Variants in PLA2G4F observed in about 807,000 individuals in gnomAD.
PLA2G4F encodes the protein cytosolic phospholipase A2 zeta.
Under a neutral mutation model 103.1 loss-of-function variants are expected in PLA2G4F, and 105 were observed. The observed-to-expected ratio is 1.02, with a 90% CI of 0.87 to 1.20. The LOEUF is 1.20. Ranked by LOEUF, PLA2G4F falls within the 50% of genes most tolerant of loss-of-function variation. The probability of loss-of-function intolerance (pLI) is 0.00; values close to 1 mark genes in which losing one functional copy is unlikely to be tolerated. For missense variants in PLA2G4F, 1,155 were observed against 1,075.9 expected, an observed-to-expected ratio of 1.07 and a Z score of -1.03; for synonymous variants, 468 against 441.1, an observed-to-expected ratio of 1.06 and a Z score of -0.76.
intron 2 of PLA2G4F, 23 bp from the exon 3 acceptor site, chr15:42,154,481 C>A (rs762948696): frequency 4.6e-5 from 70 of 1,536,792 alleles, no homozygotes; most frequent in Non-Finnish European, 6.1e-5. Flanking sequence ...CAGGGAGGGG[C>A]CGGGGCCTCA....
chr15:42,151,776 G>T, intron 7 of PLA2G4F: 1 of 617,306 alleles, frequency 1.6e-6, no homozygotes, highest in Non-Finnish European at 2.0e-6. Flanking sequence ...GAGAGAAGCG[G>T]AGTGTCACCG....
rs2048860735 is a variant in PLA2G4F, at chr15:42,144,579, C to G, written c.1846G>C (p.Gly616Arg). 1 of 1,613,210 alleles carries G rather than the reference C, an allele frequency of 6.2e-7. No homozygotes were observed. The change falls in exon 17 of 20, where the codon GGG (glycine) becomes CGG (arginine). Residue 616 changes from glycine (G) to arginine (R), a missense_variant. Physicochemically the swap from Gly to Arg is moderately radical, Grantham distance 125 (BLOSUM62 -2). Around this residue, in one of 3 missense-constraint regions of PLA2G4F, gnomAD observed 782 missense variants for 692.9 expected, o/e 1.13. Transcript: ENST00000397272. ...TCCAGCACAGCCTGGGAGAAGGGCC[C>G]CTGTGGGGTGAGGAGCCTCGTTCGC... ...RLRTRLLTPQ[G>R]PFSQAVLDIF...
At position 42,145,866 on chromosome 15, in the gene PLA2G4F, G is replaced by T. The variant is rs1464332521; in HGVS notation, c.1572C>A (p.Pro524=). 2 of 1,614,088 alleles carry T rather than the reference G, an allele frequency of 1.2e-6. No homozygotes were observed. The highest frequency in any genetic ancestry group is 1.1e-5 in the South Asian group (1 of 91,082). Residue 524 remains proline (P), a synonymous_variant, in exon 15 of 20, where the codon CCC becomes CCA. Coordinates refer to ENST00000397272, the MANE Select transcript of PLA2G4F (RefSeq NM_213600.4). The part of the protein sequence containing the change: ...CEFTPYEVGF[P]KYGAYVPTEL... ...CGGTGGGAACATAAGCCCCGTACTT[G>T]GGGAAGCCAACCTCATAGGGCGTGA... is the stretch of plus-strand genomic sequence containing the variant.
chr15:42,153,245 G>T, intron 6 of PLA2G4F, 55 bp downstream of exon 6: 1 of 1,558,490 alleles, frequency 6.4e-7, no homozygotes, highest in South Asian at 1.2e-5. Context: ...CCCTGTCACG[G>T]GTTCCTCACT....
chr15:42,145,777 CAG>C lies in PLA2G4F; in HGVS notation c.1659_1660del (p.Ile553MetfsTer17). 1 of 1,614,120 alleles carries C rather than the reference CAG, an allele frequency of 6.2e-7. No homozygotes were observed. The highest frequency in any genetic ancestry group is 8.5e-7 in the Non-Finnish European group (1 of 1,180,038). On this transcript the variant is annotated frameshift_variant, in exon 15 of 20. Coordinates refer to ENST00000397272, the MANE Select transcript of PLA2G4F (RefSeq NM_213600.4). LOFTEE classifies it high-confidence loss of function. ...CAGCCTCGACTCACCTTGCAGGTAA[CAG>C]ATCCGGGGTTCAGGCTGGAGCTGCA... is the stretch of plus-strand genomic sequence containing the variant.
intron 6 of PLA2G4F, among the ~76,000 whole-genome samples, chr15:42,153,010 G>A (rs1682439277): frequency 6.6e-6 from 1 of 152,232 alleles, no homozygotes; most frequent in South Asian, 2.1e-4. Flanking sequence ...GTGCTGGTGG[G>A]AAAGGGGGAG....
rs537781209 is a variant in PLA2G4F at position 42,141,560 on chromosome 15, A to G, written c.*424T>C. 2 of 458,140 alleles carry G rather than the reference A, an allele frequency of 4.4e-6. No individual in the cohort carries two copies. Among genetic ancestry groups the G allele is most frequent in the East Asian group, 6.9e-5 (1 of 14,458 alleles). The allele number at this position is 458,140 out of a possible 1,614,324, so 28.4% of individuals were successfully genotyped here. On this transcript the variant is annotated 3_prime_UTR_variant, in exon 20 of 20. Transcript: ENST00000397272. The stretch of plus-strand genomic sequence containing the variant: ...CTCTGCAGGAAGTGTGGATGGATGC[A>G]TCTCTGCTTTCCATCTCAGTGTAAG...
chr15:42,149,884 C>T (rs371049040), intron 10 of PLA2G4F, 36 bp from the exon 11 acceptor site: 11 of 1,606,298 alleles, frequency 6.8e-6, no homozygotes, highest in Non-Finnish European at 8.5e-6. Flanking sequence ...GTGGGGGGTT[C>T]TGGGTGACTG....
At chr15:42,154,871 A>T (rs560124070) in intron 2 of PLA2G4F, among the ~76,000 whole-genome samples, 45 of 152,008 alleles carry the variant, frequency 3.0e-4, no homozygotes, top group Non-Finnish European at 7.4e-5. Flanking sequence ...GAGTCTGCAC[A>T]GCTGTCCCCT....
chr15:42,143,571 C>T lies in PLA2G4F; in HGVS notation c.2142+407G>A, dbSNP rs1460822696. The stretch of plus-strand genomic sequence containing the variant: ...GATGGAGGGACTTGCTGCAGGGCTT[C>T]TGCATCAGAGGGGACCCTCATGGCT... On this transcript the variant is annotated intron_variant, in intron 18 of 19. Transcript: ENST00000397272. 4.6e-5 allele frequency among the ~76,000 whole-genome samples: 7 copies of T among 152,286 alleles called. No homozygotes were observed. The South Asian group carries it at 8.3e-4, about 18-fold the overall frequency.
intron 11 of PLA2G4F, chr15:42,148,709 G>A (rs1435395054): frequency 3.0e-6 from 3 of 985,398 alleles, no homozygotes; most frequent in Non-Finnish European, 3.6e-6. Context: ...TAAGGTCTCA[G>A]GATCGGAGGT....
intron 11 of PLA2G4F, chr15:42,148,933 C>T (rs1287658657): frequency 1.0e-6 from 1 of 985,272 alleles, no homozygotes; most frequent in Non-Finnish European, 1.2e-6. Flanking sequence ...TACATATTGC[C>T]CCAATGAACG....
chr15:42,146,005 C>T (rs749438331), intron 14 of PLA2G4F, 102 bp from the exon 15 acceptor site: 162 of 1,586,564 alleles, frequency 1.0e-4, no homozygotes, highest in Non-Finnish European at 2.2e-5. Context: ...GAAGCAGCAG[C>T]CCCGCTGTGC....
At chr15:42,151,291 C>A (rs962337931) in intron 7 of PLA2G4F, 5 of 984,976 alleles carry the variant, frequency 5.1e-6, no homozygotes, top group South Asian at 4.7e-5. Flanking sequence ...GAATGGGATG[C>A]GTGGGTACAG....
chr15:42,143,176 T>TAA lies in PLA2G4F; in HGVS notation c.2143-464_2143-463dup, dbSNP rs56171986. On this transcript the variant is annotated intron_variant, in intron 18 of 19. Coordinates refer to ENST00000397272, the MANE Select transcript of PLA2G4F (RefSeq NM_213600.4). ...CCTGGTGACAGAGTGAGACTCCATC[T>TAA]AAAAAAAAAAAAAAAAAAAAAAAAA... 1.2e-3 allele frequency among the ~76,000 whole-genome samples: 104 copies of TAA among 89,658 alleles called. 2 individuals are homozygous for TAA. Among genetic ancestry groups the TAA allele is most frequent in the African/African-American group, 4.1e-3 (84 of 20,348 alleles). 58.8% of individuals were successfully genotyped at this position (89,658 alleles called of 152,430 possible).
intron 18 of PLA2G4F, among the ~76,000 whole-genome samples, 173 bp downstream of exon 18, chr15:42,143,805 G>T (rs967842461): frequency 6.6e-6 from 1 of 152,120 alleles, no homozygotes; most frequent in Non-Finnish European, 1.5e-5. Flanking sequence ...TGCCAACAGC[G>T]TTCAGAAGGC....
In PLA2G4F at chr15:42,141,298, T is replaced by C. The variant is rs1253825458; in HGVS notation, c.*686A>G. On this transcript the variant is annotated 3_prime_UTR_variant, in exon 20 of 20. Transcript: ENST00000397272. ...GTTCGAAGAGTGAAGCCTGGGTAAC[T>C]GGCAGGGAGACACGCGCACATCTCC... is the stretch of plus-strand genomic sequence containing the variant. 3 of 456,574 alleles carry C rather than the reference T, an allele frequency of 6.6e-6. No homozygotes were observed. The highest frequency in any genetic ancestry group is 2.0e-5 in the African/African-American group (1 of 50,068). 28.3% of individuals were successfully genotyped at this position (456,574 alleles called of 1,614,324 possible).
intron 7 of PLA2G4F, among the ~76,000 whole-genome samples, chr15:42,152,169 A>G (rs922582972): frequency 2.6e-5 from 4 of 152,168 alleles, no homozygotes; most frequent in Non-Finnish European, 5.9e-5. Context: ...TCCTCCCGCT[A>G]AAGAGGCCAA....
intron 18 of PLA2G4F, among the ~76,000 whole-genome samples, chr15:42,143,187 A>G (rs867847050): frequency 1.4e-5 from 2 of 138,884 alleles, no homozygotes; most frequent in South Asian, 2.4e-4. Flanking sequence ...AAAAAAAAAA[A>G]AAAAAAAAAA....
Sources: gnomAD v4.1 joint callset for allele counts (sites outside exome capture counted in the v4.1 genomes callset) on GRCh38, gnomAD v4.1.1 for gene constraint, gnomAD v4.1.1 regional missense constraint, MANE v1.5 for transcripts, NCBI Gene and HGNC (gene_info 2026-07-23, HGNC 2026-07-21) for gene names.